SYT1: variants seen among roughly 807,000 people sequenced by gnomAD.
SYT1 encodes synaptotagmin 1.
SYT1 carries 8 observed loss-of-function variants against 44.8 expected under a neutral mutation model. That is an observed-to-expected ratio of 0.18 (90% confidence interval 0.10 to 0.32). SYT1 has a LOEUF of 0.32. SYT1 is among the 10% of genes least tolerant of loss of function. The pLI is 1.00. For synonymous variants in SYT1, 154 were observed against 188.8 expected (o/e 0.82, Z 1.51); for missense variants, 286 against 509.3 (o/e 0.56, Z 4.22).
chr12:79,308,612 A>AAAGAAAGAAAGAAAGAAAG (rs2064018859), intron 8 of SYT1, among the ~76,000 whole-genome samples: 1 of 134,240 alleles, frequency 7.4e-6, no homozygotes, highest in African/African-American at 2.8e-5. Context: ...GAAAGAAAGA[A>AAAGAAAGAAAGAAAGAAAG]AAAGAAAGAA....
At chr12:79,154,847 A>G (rs1360312465) in intron 3 of SYT1, among the ~76,000 whole-genome samples, 1 of 152,140 alleles carries the variant, frequency 6.6e-6, no homozygotes, top group Non-Finnish European at 1.5e-5. Context: ...GGGGAAAAAA[A>G]TGCTGTTTCA....
At chr12:79,380,395 T>C (rs922964157) in intron 9 of SYT1, among the ~76,000 whole-genome samples, 1 of 152,210 alleles carries the variant, frequency 6.6e-6, no homozygotes, top group Non-Finnish European at 1.5e-5. Flanking sequence ...AAGAATTTTT[T>C]GTTTATTTAT....
At chr12:79,187,889 T>A (rs1310109840) in intron 3 of SYT1, among the ~76,000 whole-genome samples, 3 of 152,140 alleles carry the variant, frequency 2.0e-5, no homozygotes, top group African/African-American at 7.2e-5. Flanking sequence ...CACAAGCTAA[T>A]CTTTACATTC....
At position 79,253,837 on chromosome 12, in the gene SYT1, G is replaced by C. The variant is rs180874982; in HGVS notation, c.167-31950G>C. Among the ~76,000 whole-genome samples, 180 of 152,266 alleles carry C rather than the reference G, an allele frequency of 1.2e-3. 1 individual carries two copies. The highest frequency in any genetic ancestry group is 4.2e-3 in the African/African-American group (173 of 41,570). ...CAGCCTTATTGCTGATGTGGAGAAA[G>C]TTTCAGATAGAAGGTCAAACTAGCT... On this transcript the variant is annotated intron_variant, in intron 4 of 10. Coordinates refer to ENST00000261205, the MANE Select transcript of SYT1 (RefSeq NM_005639.3).
At chr12:79,243,564 G>A (rs765714103) in intron 4 of SYT1, among the ~76,000 whole-genome samples, 3 of 152,102 alleles carry the variant, frequency 2.0e-5, no homozygotes, top group Non-Finnish European at 4.4e-5. Context: ...TCCCTGCTTC[G>A]AAATTCAAGC....
chr12:79,426,349 A>C (rs1240231043), intron 9 of SYT1, among the ~76,000 whole-genome samples: 1 of 152,206 alleles, frequency 6.6e-6, no homozygotes, highest in African/African-American at 2.4e-5. Context: ...AACTGGGAAG[A>C]ATGAGAGCAG....
At chr12:79,164,002 A>C (rs1453148009) in intron 3 of SYT1, among the ~76,000 whole-genome samples, 1 of 152,048 alleles carries the variant, frequency 6.6e-6, no homozygotes, top group African/African-American at 2.4e-5. Flanking sequence ...ATGACTTTCT[A>C]TCTTTTTTCC....
intron 3 of SYT1, among the ~76,000 whole-genome samples, chr12:79,151,266 G>A (rs949133615): frequency 3.9e-5 from 6 of 152,146 alleles, no homozygotes; most frequent in Middle Eastern, 3.2e-3. Flanking sequence ...CTGGGACTTC[G>A]GAACAACCTG....
chr12:79,303,288 T>C (rs1448773842), intron 8 of SYT1, among the ~76,000 whole-genome samples: 2 of 152,190 alleles, frequency 1.3e-5, no homozygotes, highest in African/African-American at 2.4e-5. Context: ...AAACTCTTTT[T>C]ATTTTAACAT....
intron 3 of SYT1, among the ~76,000 whole-genome samples, chr12:79,091,842 C>A (rs1877798683): frequency 1.3e-5 from 2 of 151,890 alleles, no homozygotes; most frequent in Non-Finnish European, 2.9e-5. Context: ...CAAAGTTAAT[C>A]ACAATAAAAC....
intron 3 of SYT1, among the ~76,000 whole-genome samples, chr12:79,166,433 A>G (rs1727943036): frequency 6.6e-6 from 1 of 152,020 alleles, no homozygotes; most frequent in Non-Finnish European, 1.5e-5. Context: ...AGGGAAGCCC[A>G]AGCTCTAAAC....
intron 10 of SYT1, among the ~76,000 whole-genome samples, chr12:79,445,891 A>G (rs1218846910): frequency 6.9e-6 from 1 of 144,694 alleles, no homozygotes; most frequent in Non-Finnish European, 1.5e-5. Flanking sequence ...TAAAATATAT[A>G]TTTTATATAT....
intron 3 of SYT1, among the ~76,000 whole-genome samples, chr12:79,131,731 A>C (rs1456252544): frequency 1.3e-5 from 2 of 152,240 alleles, no homozygotes; most frequent in African/African-American, 4.8e-5. Flanking sequence ...CAATTTCTAA[A>C]ACAAATCTAT....
At chr12:79,191,496 A>G (rs1375623923) in intron 3 of SYT1, among the ~76,000 whole-genome samples, 2 of 152,314 alleles carry the variant, frequency 1.3e-5, no homozygotes, top group Admixed American at 6.5e-5. Flanking sequence ...TCCTGCTAAT[A>G]GAAATATTTA....
At chr12:79,024,080 C>T (rs977659539) in intron 2 of SYT1, among the ~76,000 whole-genome samples, 1 of 151,656 alleles carries the variant, frequency 6.6e-6, no homozygotes, top group Non-Finnish European at 1.5e-5. Flanking sequence ...GCTGTTTTCC[C>T]AAAGGTTGAA....
chr12:79,394,545 G>T (rs1408316744), intron 9 of SYT1, among the ~76,000 whole-genome samples: 3 of 152,136 alleles, frequency 2.0e-5, no homozygotes, highest in African/African-American at 7.2e-5. Flanking sequence ...CCAACCAGAA[G>T]TTGATGATGC....
At chr12:79,349,897 T>G (rs146242009) in intron 8 of SYT1, among the ~76,000 whole-genome samples, 1 of 152,166 alleles carries the variant, frequency 6.6e-6, no homozygotes, top group Non-Finnish European at 1.5e-5. Flanking sequence ...TATAAAACTA[T>G]TGGGTTCTTC....
intron 2 of SYT1, among the ~76,000 whole-genome samples, chr12:78,994,459 C>A (rs1592642569): frequency 7.5e-6 from 1 of 132,624 alleles, no homozygotes; most frequent in African/African-American, 2.8e-5. Flanking sequence ...CATAATTTTT[C>A]TTTTTCTTTG....
At chr12:79,153,142 G>A (rs2138269518) in intron 3 of SYT1, among the ~76,000 whole-genome samples, 1 of 152,172 alleles carries the variant, frequency 6.6e-6, no homozygotes, top group South Asian at 2.1e-4. Flanking sequence ...GAGAGGTTGA[G>A]GGAAACGGGG....
Sources: allele counts gnomAD v4.1 joint callset (sites outside exome capture counted in the v4.1 genomes callset), GRCh38; gene constraint gnomAD v4.1.1; transcripts MANE v1.5; gene names NCBI Gene and HGNC (gene_info 2026-07-23, HGNC 2026-07-21).